The following PDE11A variants were observed in gnomAD, a reference collection of about 807,000 sequenced individuals.
PDE11A encodes dual 3',5'-cyclic-AMP and -GMP phosphodiesterase 11A.
PDE11A carries 100 observed loss-of-function variants against 100.5 expected under a neutral mutation model. That is an observed-to-expected ratio of 1.00 (90% CI 0.85 to 1.18). The LOEUF is 1.18. Among genes scored for constraint, PDE11A ranks in the 50% most tolerant of loss-of-function variants. The pLI, the probability that PDE11A is intolerant of heterozygous loss-of-function variation, is 0.00. For missense variants in PDE11A, 1,141 were observed against 1,152.6 expected (o/e 0.99, Z 0.15); for synonymous variants, 381 against 420.8 (o/e 0.91, Z 1.16).
At chr2:177,671,508 G>A (rs1313923524) in intron 17 of PDE11A, among the ~76,000 whole-genome samples, 3 of 151,800 alleles carry the variant, frequency 2.0e-5, no homozygotes, top group African/African-American at 7.3e-5. Flanking sequence ...CATCCAGGAA[G>A]TTAGAGAAAT....
intron 12 of PDE11A, among the ~76,000 whole-genome samples, chr2:177,721,735 A>G (rs542745060): frequency 6.6e-6 from 1 of 152,270 alleles, no homozygotes; most frequent in South Asian, 2.1e-4. Context: ...ATGGTTTATG[A>G]CCACAGAAAA....
At chr2:177,848,125 T>C (rs1242312351) in intron 5 of PDE11A, among the ~76,000 whole-genome samples, 6 of 152,156 alleles carry the variant, frequency 3.9e-5, no homozygotes, top group African/African-American at 1.4e-4. Flanking sequence ...ATTCAAATGT[T>C]TCTAAAGTTT....
chr2:177,894,433 C>T (rs935389090), intron 4 of PDE11A, among the ~76,000 whole-genome samples: 2 of 152,120 alleles, frequency 1.3e-5, no homozygotes, highest in African/African-American at 4.8e-5. Context: ...TATGGTGTTA[C>T]AGGAGCTCAT....
At chr2:177,972,113 A>G (rs1041206124) in intron 2 of PDE11A, among the ~76,000 whole-genome samples, 1 of 152,260 alleles carries the variant, frequency 6.6e-6, no homozygotes, top group Non-Finnish European at 1.5e-5. Context: ...GCAGAGCTAC[A>G]AAGAGCAATT....
intron 1 of PDE11A, among the ~76,000 whole-genome samples, chr2:178,037,233 A>T (rs2086625524): frequency 6.6e-6 from 1 of 152,244 alleles, no homozygotes; most frequent in Admixed American, 6.5e-5. Context: ...GATACTTCTC[A>T]AAAGAAGACA....
intron 15 of PDE11A, among the ~76,000 whole-genome samples, chr2:177,693,149 C>T (rs2081065720): frequency 6.6e-6 from 1 of 152,194 alleles, no homozygotes; most frequent in Non-Finnish European, 1.5e-5. Flanking sequence ...CCTCTTGGCT[C>T]ACCCACCCCT....
At chr2:177,942,600 C>T (rs561962793) in intron 2 of PDE11A, among the ~76,000 whole-genome samples, 1 of 152,226 alleles carries the variant, frequency 6.6e-6, no homozygotes, top group Non-Finnish European at 1.5e-5. Flanking sequence ...TGGGGTTTCA[C>T]CATGTTGGTC....
intron 19 of PDE11A, among the ~76,000 whole-genome samples, chr2:177,636,886 CG>C (rs762296280): frequency 3.9e-5 from 6 of 152,186 alleles, no homozygotes; most frequent in Admixed American, 1.3e-4. Context: ...AGCATTATCT[CG>C]TCTCCATCAG....
At chr2:177,809,519 A>G (rs1297944967) in intron 9 of PDE11A, among the ~76,000 whole-genome samples, 1 of 152,226 alleles carries the variant, frequency 6.6e-6, no homozygotes, top group Admixed American at 6.5e-5. Context: ...CATTACAAAA[A>G]GAAAATGTTG....
chr2:177,827,691 T>C (rs1182535950), intron 6 of PDE11A, among the ~76,000 whole-genome samples: 1 of 152,212 alleles, frequency 6.6e-6, no homozygotes, highest in African/African-American at 2.4e-5. Context: ...GCAGAAAGTG[T>C]CACAGATGAT....
At chr2:177,853,713 T>TG (rs1491304182) in intron 5 of PDE11A, among the ~76,000 whole-genome samples, 1,888 of 11,558 alleles carry the variant, frequency 0.16, 58 homozygotes, top group Non-Finnish European at 0.23. Flanking sequence ...TGTGTGTGTG[T>TG]TTGTGTGTGT....
At chr2:177,778,697 A>G (rs1386152980) in intron 9 of PDE11A, among the ~76,000 whole-genome samples, 2 of 152,224 alleles carry the variant, frequency 1.3e-5, no homozygotes, top group Admixed American at 1.3e-4. Flanking sequence ...ACCCGACAGA[A>G]GTGTCATCTA....
chr2:178,072,554 C>T lies in PDE11A; in HGVS notation c.-117G>A. ...ACCAGTATTCCCAGTTCAGCGCCAC[C>T]TCCCCTGGAGATTATTCCCAGCAGT... On this transcript the variant is annotated 5_prime_UTR_variant, in exon 1 of 20. Coordinates refer to ENST00000286063, the MANE Select transcript of PDE11A (RefSeq NM_016953.4). The T allele has an allele frequency of 1.3e-6, 2 of 1,543,790 alleles. No individual in the cohort carries two copies. The highest frequency in any genetic ancestry group is 2.4e-5 in the South Asian group (2 of 84,392).
In PDE11A at chr2:177,928,104, C is replaced by CAAAAAAAA. The variant is rs59085357; in HGVS notation, c.1072-22925_1072-22918dup. Reference sequence around the variant, plus strand: ...GGGCAACAAGAGCGAAACTCCATCTCAAAAAAAAAAAAAAAAAAAAAAGCC... The same window carrying CAAAAAAAA: ...GGGCAACAAGAGCGAAACTCCATCTCAAAAAAAAAAAAAAAAAAAAAAAAAAAAAAGCC... On this transcript the variant is annotated intron_variant, in intron 2 of 19. Transcript: ENST00000286063. Among the ~76,000 whole-genome samples, 4 of 56,420 alleles carry CAAAAAAAA rather than the reference C, an allele frequency of 7.1e-5. 1 individual carries two copies. The highest frequency in any genetic ancestry group is 1.3e-4 in the African/African-American group (2 of 14,946). The allele number at this position is 56,420 out of a possible 152,430, so 37.0% of individuals were successfully genotyped here.
At chr2:177,987,352 C>T (rs2085952719) in intron 2 of PDE11A, among the ~76,000 whole-genome samples, 1 of 152,178 alleles carries the variant, frequency 6.6e-6, no homozygotes, top group South Asian at 2.1e-4. Context: ...AAGTATTTTT[C>T]CAACCATTCA....
intron 10 of PDE11A, among the ~76,000 whole-genome samples, chr2:177,734,991 T>C (rs2081753303): frequency 6.6e-6 from 1 of 152,356 alleles, no homozygotes; most frequent in East Asian, 1.9e-4. Context: ...AGTACATATG[T>C]ATTGTGCATC....
intron 4 of PDE11A, among the ~76,000 whole-genome samples, chr2:177,891,143 G>T (rs911004078): frequency 2.0e-5 from 3 of 152,068 alleles, no homozygotes; most frequent in Admixed American, 6.6e-5. Flanking sequence ...GGGTGCAAAG[G>T]TTACCCCTTT....
At position 178,072,008 on chromosome 2, in the gene PDE11A, G is replaced by C. The variant is rs764549403; in HGVS notation, c.430C>G (p.Arg144Gly). Reference sequence around the variant, plus strand: ...ACACTACTCAGGGGTTCCTGAGCCCGGGAGGTCACCTGTTCATCGTAGGTC... The same window carrying C: ...ACACTACTCAGGGGTTCCTGAGCCCCGGAGGTCACCTGTTCATCGTAGGTC... ...NRTYDEQVTS[R>G]AQEPLSSVRR... Residue 144 changes from arginine to glycine, a missense_variant, in exon 1 of 20, where the codon CGG becomes GGG. By Grantham distance (125) the Arg-to-Gly change is moderately radical (BLOSUM62 -2). Coordinates refer to ENST00000286063, the MANE Select transcript of PDE11A (RefSeq NM_016953.4). 1.9e-6 allele frequency: 3 copies of C among 1,613,958 alleles called. No individual in the cohort carries two copies. The highest frequency in any genetic ancestry group is 1.1e-5 in the South Asian group (1 of 91,068).
intron 9 of PDE11A, among the ~76,000 whole-genome samples, chr2:177,805,846 G>C (rs565083155): frequency 1.3e-5 from 2 of 152,250 alleles, no homozygotes; most frequent in African/African-American, 4.8e-5. Context: ...CAAGAAAAAA[G>C]AGACAAAGCA....
Sources: allele counts gnomAD v4.1 joint callset (sites outside exome capture counted in the v4.1 genomes callset), GRCh38; gene constraint gnomAD v4.1.1; transcripts MANE v1.5; gene names NCBI Gene and HGNC (gene_info 2026-07-23, HGNC 2026-07-21).